The following DROSHA variants were observed in gnomAD, a reference collection of about 807,000 sequenced individuals.
DROSHA encodes the protein drosha ribonuclease III.
DROSHA carries 56 observed loss-of-function variants against 181.9 expected under a neutral mutation model. The ratio of observed to expected loss-of-function variants is 0.31; its 90% CI spans 0.25 to 0.38. The LOEUF (loss-of-function observed/expected upper bound fraction) is 0.38, where lower values mean the gene tolerates loss of function less well. DROSHA is among the 10% of genes least tolerant of loss of function. The pLI is 1.00. For missense variants in DROSHA, 1,218 were observed against 1,743.5 expected (o/e 0.70, Z 5.37); for synonymous variants, 524 against 591.2 (o/e 0.89, Z 1.65).
intron 13 of DROSHA, among the ~76,000 whole-genome samples, chr5:31,490,934 A>AT (rs1752327277): frequency 6.6e-6 from 1 of 151,994 alleles, no homozygotes; most frequent in African/African-American, 2.4e-5. Context: ...GAAGCCAGGA[A>AT]TTTTTTCTGT....
chr5:31,433,606 A>G (rs1001237246), intron 25 of DROSHA, among the ~76,000 whole-genome samples: 1 of 151,988 alleles, frequency 6.6e-6, no homozygotes, highest in Non-Finnish European at 1.5e-5. Context: ...GTGCAGTGGC[A>G]CAATCTAGGC....
intron 19 of DROSHA, among the ~76,000 whole-genome samples, chr5:31,465,107 T>C (rs1748856058): frequency 6.6e-6 from 1 of 152,130 alleles, no homozygotes; most frequent in Non-Finnish European, 1.5e-5. Context: ...CTCTCAACCT[T>C]AGTTCCCTCC....
At position 31,464,360 on chromosome 5, in the gene DROSHA, TATG is replaced by T. The variant is rs1305608921; in HGVS notation, c.2467-20_2467-18del. On this transcript the variant is annotated intron_variant, in intron 19 of 35. Coordinates refer to ENST00000344624, the MANE Select transcript of DROSHA (RefSeq NM_001382508.1). ...GAGGGCTTCCTAGAAAAGAATTCAT[TATG>T]ATGAGTAACACAACTGCTATAAAGC... 6.2e-7 allele frequency: 1 copy of T among 1,607,362 alleles called. No homozygotes were observed. Among genetic ancestry groups the T allele is most frequent in the Non-Finnish European group, 8.5e-7 (1 of 1,174,864 alleles).
chr5:31,469,788 T>C (rs192982017), intron 17 of DROSHA, among the ~76,000 whole-genome samples: 2 of 152,320 alleles, frequency 1.3e-5, no homozygotes, highest in African/African-American at 4.8e-5. Flanking sequence ...ATAACATTTA[T>C]TATGCCATCT....
At chr5:31,491,864 G>A (rs576823188) in intron 13 of DROSHA, among the ~76,000 whole-genome samples, 3 of 152,130 alleles carry the variant, frequency 2.0e-5, no homozygotes, top group East Asian at 3.9e-4. Context: ...GCATGATCTC[G>A]GCTCACTGAA....
At chr5:31,496,815 G>A (rs1753040036) in intron 11 of DROSHA, among the ~76,000 whole-genome samples, 1 of 152,240 alleles carries the variant, frequency 6.6e-6, no homozygotes, top group African/African-American at 2.4e-5. Context: ...TCCAGTTCCT[G>A]TGTGATACAC....
At chr5:31,493,984 T>TGTGTGTGTGTGTGTGTGTGTG (rs1580291589) in intron 12 of DROSHA, among the ~76,000 whole-genome samples, 1 of 150,088 alleles carries the variant, frequency 6.7e-6, no homozygotes, top group African/African-American at 2.5e-5. Flanking sequence ...TGTGTGTGTG[T>TGTGTGTGTGTGTGTGTGTGTG]TTGAGATGAA....
chr5:31,424,835 T>C, intron 27 of DROSHA, among the ~76,000 whole-genome samples: 1 of 152,232 alleles, frequency 6.6e-6, no homozygotes, highest in East Asian at 1.9e-4. Context: ...GTGCCTTTTG[T>C]AATTAAAACT....
intron 6 of DROSHA, among the ~76,000 whole-genome samples, chr5:31,518,060 C>T (rs1427763190): frequency 6.6e-6 from 1 of 152,116 alleles, no homozygotes; most frequent in African/African-American, 2.4e-5. Flanking sequence ...TCACAGTGTG[C>T]CTACACAAAC....
intron 16 of DROSHA, among the ~76,000 whole-genome samples, chr5:31,478,697 G>A (rs532736730): frequency 1.4e-4 from 22 of 152,100 alleles, no homozygotes; most frequent in Admixed American, 3.3e-4. Context: ...TGGCACCACC[G>A]CACTCCACCC....
chr5:31,435,677 C>T lies in DROSHA; in HGVS notation c.3042+88G>A, dbSNP rs187001337. 2.1e-5 allele frequency: 25 copies of T among 1,171,662 alleles called. No individual in the cohort carries two copies. In the African/African-American group the frequency reaches 3.2e-4, roughly 15 times the overall value. 72.6% of individuals were successfully genotyped at this position (1,171,662 alleles called of 1,614,324 possible). On this transcript the variant is annotated intron_variant, in intron 25 of 35. Coordinates refer to ENST00000344624, the MANE Select transcript of DROSHA (RefSeq NM_001382508.1). ...TATTAACACTCCTAATATATCCTAA[C>T]GAGTTACTTATTCAAATGCAAAATT...
rs1464617878 is a variant in DROSHA at position 31,449,744 on chromosome 5, CA to C, written c.2683-326del. Among the ~76,000 whole-genome samples the C allele has an allele frequency of 2.0e-5, 3 of 151,992 alleles. No individual in the cohort carries two copies. The East Asian group carries it at 5.8e-4, about 29-fold the overall frequency. ...CCTGTCTCAAAAAACAAAAACAAAA[CA>C]AAAACTCAGCATGGGAGCACCATCT... On this transcript the variant is annotated intron_variant, in intron 21 of 35. Transcript: ENST00000344624.
intron 23 of DROSHA, among the ~76,000 whole-genome samples, chr5:31,441,991 TCATATTTAGTATATGCTTGAAGTCATA>T (rs1157947230): frequency 6.6e-6 from 1 of 152,180 alleles, no homozygotes; most frequent in Non-Finnish European, 1.5e-5. Flanking sequence ...TGACAATAAG[TCATATTTAGTATATGCTTGAAGTCATA>T]TACTATTTTA....
In DROSHA at chr5:31,431,697, C is replaced by T. The variant is rs779986192; in HGVS notation, c.3043-19G>A. On this transcript the variant is annotated intron_variant, in intron 25 of 35. Transcript: ENST00000344624. ...CAAGTTTCTACAAAATTCACAATGA[C>T]AAAACGTAAGAAAGAGTTTGCCAAA... 3 of 1,613,004 alleles carry T rather than the reference C, an allele frequency of 1.9e-6. No individual in the cohort carries two copies. The highest frequency in any genetic ancestry group is 2.5e-6 in the Non-Finnish European group (3 of 1,179,216).
At chr5:31,482,712 T>C (rs1751173083) in intron 16 of DROSHA, among the ~76,000 whole-genome samples, 1 of 151,962 alleles carries the variant, frequency 6.6e-6, no homozygotes, top group Non-Finnish European at 1.5e-5. Flanking sequence ...AGCAGGTAAT[T>C]GACTAGGAAA....
chr5:31,432,052 C>T (rs1333093416), intron 25 of DROSHA, among the ~76,000 whole-genome samples: 1 of 152,124 alleles, frequency 6.6e-6, no homozygotes, highest in Non-Finnish European at 1.5e-5. Flanking sequence ...AATTACAAAC[C>T]TAACACAAAC....
Position 31,401,295 on chromosome 5 carries a change from A to G in DROSHA, c.*137T>C, listed in dbSNP as rs536092006. The G allele has an allele frequency of 9.0e-5, 108 of 1,206,432 alleles. 1 individual carries two copies. In the South Asian group the frequency reaches 1.2e-3, roughly 14 times the overall value. The allele number at this position is 1,206,432 out of a possible 1,614,324, so 74.7% of individuals were successfully genotyped here. On this transcript the variant is annotated 3_prime_UTR_variant, in exon 36 of 36. Transcript: ENST00000344624. Reference sequence around the variant, plus strand: ...CAGCTAAAAACAGATCATTAAAACAACAATAGCGATTTGACTCTGTATTTT... The same window carrying G: ...CAGCTAAAAACAGATCATTAAAACAGCAATAGCGATTTGACTCTGTATTTT...
chr5:31,426,082 T>C (rs921873526), intron 27 of DROSHA, among the ~76,000 whole-genome samples: 5 of 152,110 alleles, frequency 3.3e-5, no homozygotes, highest in African/African-American at 1.2e-4. Flanking sequence ...CCTTCATGTC[T>C]TATACCGAAA....
chr5:31,490,078 A>G (rs7718681), intron 13 of DROSHA, among the ~76,000 whole-genome samples: 139,371 of 151,772 alleles, frequency 0.92, 64,349 homozygotes, highest in Non-Finnish European at 0.98. Flanking sequence ...GTTTCACTAT[A>G]TTGGCCAGGC....
Sources: allele counts gnomAD v4.1 joint callset (sites outside exome capture counted in the v4.1 genomes callset), GRCh38; gene constraint gnomAD v4.1.1; transcripts MANE v1.5; gene names NCBI Gene and HGNC (gene_info 2026-07-23, HGNC 2026-07-21).